METTL25: variants seen among roughly 807,000 people sequenced by gnomAD.
The protein encoded by METTL25 is probable methyltransferase-like protein 25.
METTL25 carries 64 observed loss-of-function variants against 71.6 expected under a neutral mutation model. That is an observed-to-expected ratio of 0.89 (90% CI 0.73 to 1.10). The LOEUF is 1.10. Ranked by LOEUF, METTL25 falls within the 50% of genes least tolerant of loss-of-function variation. The pLI, the probability that METTL25 is intolerant of heterozygous loss-of-function variation, is 0.00. For synonymous variants in METTL25, 287 were observed against 250.3 expected (o/e 1.15, Z -1.38); for missense variants, 807 against 707.0 (o/e 1.14, Z -1.60).
intron 5 of METTL25, among the ~76,000 whole-genome samples, chr12:82,405,816 G>A (rs1203227920): frequency 6.6e-6 from 1 of 152,084 alleles, no homozygotes; most frequent in Non-Finnish European, 1.5e-5. Context: ...ATTCACTTTT[G>A]TATCTTCAGT....
intron 4 of METTL25, among the ~76,000 whole-genome samples, chr12:82,402,423 A>C (rs922765169): frequency 2.0e-5 from 3 of 152,148 alleles, no homozygotes; most frequent in Non-Finnish European, 2.9e-5. Flanking sequence ...TACATGTTAC[A>C]TTTGATTAGT....
chr12:82,456,031 G>A (rs966087711), intron 8 of METTL25, among the ~76,000 whole-genome samples: 8 of 151,918 alleles, frequency 5.3e-5, no homozygotes, highest in East Asian at 1.9e-4. Flanking sequence ...TTGATAGAAT[G>A]TTATGTCTAA....
At chr12:82,440,447 G>A (rs1191588495) in intron 8 of METTL25, among the ~76,000 whole-genome samples, 1 of 151,904 alleles carries the variant, frequency 6.6e-6, no homozygotes, top group African/African-American at 2.4e-5. Context: ...TAATAAACAG[G>A]TGTTATTTCT....
At chr12:82,386,750 A>C in intron 1 of METTL25, 53 bp from the exon 2 acceptor site, 2 of 1,398,974 alleles carry the variant, frequency 1.4e-6, no homozygotes, top group South Asian at 2.4e-5. Flanking sequence ...TTAATATCAC[A>C]CTAATTAACC....
chr12:82,440,990 G>A (rs1890278844), intron 8 of METTL25, among the ~76,000 whole-genome samples: 1 of 151,970 alleles, frequency 6.6e-6, no homozygotes, highest in Non-Finnish European at 1.5e-5. Flanking sequence ...AACAGAGAGG[G>A]TGAGCACAGC....
intron 9 of METTL25, among the ~76,000 whole-genome samples, chr12:82,458,998 C>G (rs142523195): frequency 6.6e-6 from 1 of 152,262 alleles, no homozygotes; most frequent in East Asian, 1.9e-4. Context: ...CATTGAAAAT[C>G]ATTTCCCCTC....
chr12:82,421,745 AC>A (rs1888523305), intron 5 of METTL25, among the ~76,000 whole-genome samples: 1 of 152,206 alleles, frequency 6.6e-6, no homozygotes, highest in African/African-American at 2.4e-5. Context: ...AATACAAACT[AC>A]CATCGGAGAA....
At chr12:82,378,084 T>TA (rs774963128) in intron 1 of METTL25, among the ~76,000 whole-genome samples, 42 of 152,226 alleles carry the variant, frequency 2.8e-4, no homozygotes, top group Non-Finnish European at 5.3e-4. Flanking sequence ...AACTAATTTT[T>TA]ATCAAGTGCT....
intron 1 of METTL25, among the ~76,000 whole-genome samples, chr12:82,383,722 ACATT>A (rs1884679252): frequency 6.6e-6 from 1 of 152,160 alleles, no homozygotes; most frequent in Non-Finnish European, 1.5e-5. Context: ...TAAATATTAT[ACATT>A]CAGTGATTGT....
At chr12:82,391,127 C>T (rs1565821534) in intron 3 of METTL25, among the ~76,000 whole-genome samples, 1 of 151,974 alleles carries the variant, frequency 6.6e-6, no homozygotes, top group South Asian at 2.1e-4. Context: ...ATGGATGGTA[C>T]GAATCCAGTT....
At chr12:82,457,306 A>G (rs1891561830) in intron 9 of METTL25, among the ~76,000 whole-genome samples, 1 of 136,754 alleles carries the variant, frequency 7.3e-6, no homozygotes, top group African/African-American at 2.7e-5. Flanking sequence ...GTTGACTGAT[A>G]GTAATAAATA....
intron 8 of METTL25, among the ~76,000 whole-genome samples, chr12:82,443,705 G>A (rs1890529881): frequency 6.6e-6 from 1 of 152,126 alleles, no homozygotes; most frequent in Admixed American, 6.5e-5. Flanking sequence ...CATGACAGAA[G>A]GCAAAGTATA....
intron 5 of METTL25, among the ~76,000 whole-genome samples, chr12:82,417,433 A>G (rs1888079277): frequency 6.6e-6 from 1 of 152,200 alleles, no homozygotes; most frequent in Non-Finnish European, 1.5e-5. Flanking sequence ...ATGAGTTCTG[A>G]AAGTATGCAA....
chr12:82,465,306 A>G (rs919598144), intron 9 of METTL25, among the ~76,000 whole-genome samples: 3 of 152,000 alleles, frequency 2.0e-5, no homozygotes, highest in African/African-American at 7.2e-5. Flanking sequence ...GAAAGTTTTT[A>G]TCATGAAGGG....
chr12:82,366,567 T>C (rs886562068), intron 1 of METTL25, among the ~76,000 whole-genome samples: 1 of 151,534 alleles, frequency 6.6e-6, no homozygotes, highest in Non-Finnish European at 1.5e-5. Context: ...TTTATCAAGC[T>C]TGTCTTTATT....
At chr12:82,467,443 T>A (rs1223014903) in intron 9 of METTL25, among the ~76,000 whole-genome samples, 6 of 152,156 alleles carry the variant, frequency 3.9e-5, no homozygotes, top group Non-Finnish European at 8.8e-5. Context: ...ATTTGAGTAC[T>A]TTTAAAGGCC....
At chr12:82,360,162 T>G (rs1188550610) in intron 1 of METTL25, among the ~76,000 whole-genome samples, 1 of 152,228 alleles carries the variant, frequency 6.6e-6, no homozygotes. Flanking sequence ...AAAATGAAAC[T>G]ACTCTCAAGT....
chr12:82,471,545 G>C (rs749963760), intron 9 of METTL25, among the ~76,000 whole-genome samples: 1 of 152,182 alleles, frequency 6.6e-6, no homozygotes, highest in Admixed American at 6.5e-5. Flanking sequence ...GTACTAAACA[G>C]GATTAAGAAT....
chr12:82,444,854 C>A (rs1320015503), intron 8 of METTL25, among the ~76,000 whole-genome samples: 1 of 152,046 alleles, frequency 6.6e-6, no homozygotes, highest in Non-Finnish European at 1.5e-5. Context: ...GGACAACACA[C>A]ATAGACCAAA....
Sources: gnomAD v4.1 joint callset for allele counts (sites outside exome capture counted in the v4.1 genomes callset) on GRCh38, gnomAD v4.1.1 for gene constraint, MANE v1.5 for transcripts, NCBI Gene and HGNC (gene_info 2026-07-23, HGNC 2026-07-21) for gene names.